Variants in PTPRG observed in about 807,000 individuals in gnomAD.
The protein encoded by PTPRG is receptor-type tyrosine-protein phosphatase gamma.
Under a neutral mutation model 165.3 loss-of-function variants are expected in PTPRG, and 102 were observed. The observed-to-expected ratio is 0.62, with a 90% confidence interval of 0.53 to 0.73. The LOEUF is 0.73. Ranked by LOEUF, PTPRG falls within the 30% of genes least tolerant of loss-of-function variation. PTPRG has a pLI of 0.00. For synonymous variants in PTPRG, 675 were observed against 669.5 expected (o/e 1.01, Z -0.13); for missense variants, 1,866 against 1,861.4 (o/e 1.00, Z -0.05).
chr3:61,952,734 C>T (rs995975565), intron 2 of PTPRG, among the ~76,000 whole-genome samples: 1 of 152,080 alleles, frequency 6.6e-6, no homozygotes, highest in Non-Finnish European at 1.5e-5. Flanking sequence ...TCCATTTGCC[C>T]TAGCCTCAAA....
intron 2 of PTPRG, among the ~76,000 whole-genome samples, chr3:61,915,089 C>A (rs1260499158): frequency 6.6e-6 from 1 of 152,070 alleles, no homozygotes; most frequent in Admixed American, 6.6e-5. Context: ...ATTAGCCGGG[C>A]GTGGTGGTGC....
intron 7 of PTPRG, among the ~76,000 whole-genome samples, chr3:62,158,756 GT>G (rs1316824548): frequency 2.0e-5 from 3 of 152,108 alleles, no homozygotes; most frequent in Non-Finnish European, 4.4e-5. Context: ...CCTCACTGCT[GT>G]TTTGGCAATC....
At chr3:61,974,804 C>T (rs1009756362) in intron 2 of PTPRG, among the ~76,000 whole-genome samples, 1 of 152,296 alleles carries the variant, frequency 6.6e-6, no homozygotes, top group East Asian at 1.9e-4. Context: ...TACTGGTAGT[C>T]TGTTCTCACC....
chr3:61,976,789 C>T (rs931348188), intron 2 of PTPRG, among the ~76,000 whole-genome samples: 5 of 151,838 alleles, frequency 3.3e-5, no homozygotes, highest in Non-Finnish European at 7.4e-5. Flanking sequence ...ATTTTCCTTG[C>T]CTCAGCCTCC....
chr3:62,119,044 C>T (rs72891413), intron 5 of PTPRG, among the ~76,000 whole-genome samples: 2,574 of 152,266 alleles, frequency 0.017, 69 homozygotes, highest in African/African-American at 0.057. Flanking sequence ...GCTGGGAATA[C>T]GAAACAAACT....
At chr3:62,099,839 C>G (rs1029285253) in intron 5 of PTPRG, among the ~76,000 whole-genome samples, 6 of 138,600 alleles carry the variant, frequency 4.3e-5, no homozygotes, top group African/African-American at 1.6e-4. Flanking sequence ...CACTCTGTTG[C>G]CCAGGCTGGA....
chr3:61,793,056 T>C (rs994973164), intron 2 of PTPRG, among the ~76,000 whole-genome samples: 13 of 152,048 alleles, frequency 8.5e-5, no homozygotes, highest in African/African-American at 2.4e-4. Context: ...AAATATAAGA[T>C]AGGAAATATA....
rs1004653019 is a variant in PTPRG, at chr3:62,228,497, G to C, written c.2289-2728G>C. ...CCATTGCACTCCAGCCTGGGCAACA[G>C]AGCAAAACTCCATCTCAAAAAAAAA... On this transcript the variant is annotated intron_variant, in intron 13 of 29. Coordinates refer to ENST00000474889, the MANE Select transcript of PTPRG (RefSeq NM_002841.4). The surrounding 1 kb of genome is among the most constrained non-coding windows in gnomAD (Gnocchi z 4.1). Among the ~76,000 whole-genome samples, 3 of 147,134 alleles carry C rather than the reference G, an allele frequency of 2.0e-5. No homozygotes were observed. The highest frequency in any genetic ancestry group is 7.6e-5 in the African/African-American group (3 of 39,388).
At chr3:61,662,343 T>C (rs1702690005) in intron 1 of PTPRG, among the ~76,000 whole-genome samples, 1 of 152,166 alleles carries the variant, frequency 6.6e-6, no homozygotes, top group African/African-American at 2.4e-5. Flanking sequence ...CAAGCAGCCC[T>C]GTGGAGGGGC....
chr3:62,001,276 T>G (rs895843258), intron 3 of PTPRG, among the ~76,000 whole-genome samples: 4 of 152,196 alleles, frequency 2.6e-5, no homozygotes, highest in Non-Finnish European at 4.4e-5. Context: ...GATTAATGTT[T>G]CAGATTGTAC....
chr3:61,988,326 C>T (rs1158749825), intron 2 of PTPRG, among the ~76,000 whole-genome samples: 1 of 152,094 alleles, frequency 6.6e-6, no homozygotes, highest in Non-Finnish European at 1.5e-5. Context: ...TGTGATTGTC[C>T]CATTTTTCTT....
intron 2 of PTPRG, among the ~76,000 whole-genome samples, chr3:61,935,003 C>T (rs559429751): frequency 4.6e-5 from 7 of 152,248 alleles, no homozygotes; most frequent in African/African-American, 1.7e-4. Context: ...CAACACGTCC[C>T]TTCCACCTTC....
At chr3:62,221,144 C>CT (rs1348681969) in intron 13 of PTPRG, among the ~76,000 whole-genome samples, 4 of 152,184 alleles carry the variant, frequency 2.6e-5, no homozygotes, top group Non-Finnish European at 5.9e-5. Context: ...ACTGTTTATA[C>CT]TTCTGAAAAT....
Position 61,656,268 on chromosome 3 carries a change from C to T in PTPRG, c.86-92610C>T, listed in dbSNP as rs139405911. 8.9e-3 allele frequency among the ~76,000 whole-genome samples: 1,357 copies of T among 152,166 alleles called. 15 individuals are homozygous for T. Among genetic ancestry groups the T allele is most frequent in the African/African-American group, 0.03 (1,262 of 41,512 alleles). On this transcript the variant is annotated intron_variant, in intron 1 of 29. Coordinates refer to ENST00000474889, the MANE Select transcript of PTPRG (RefSeq NM_002841.4). ...AATAAATAAGAAAAACAAGAAAGGG[C>T]TTCTTTCCTTCTGAGTGTGTGAGCA...
chr3:62,055,857 A>T (rs186798681), intron 4 of PTPRG, among the ~76,000 whole-genome samples: 16 of 152,282 alleles, frequency 1.1e-4, no homozygotes, highest in African/African-American at 3.8e-4. Context: ...ATTCATTCTA[A>T]TGGCCTCATC....
intron 16 of PTPRG, among the ~76,000 whole-genome samples, chr3:62,260,049 G>C (rs1378153724): frequency 1.3e-5 from 2 of 152,170 alleles, no homozygotes; most frequent in Admixed American, 6.6e-5. Flanking sequence ...CCCTGAGCAG[G>C]AGAGAGTAGG....
chr3:61,754,557 G>A (rs887225736), intron 2 of PTPRG, among the ~76,000 whole-genome samples: 1 of 152,126 alleles, frequency 6.6e-6, no homozygotes, highest in African/African-American at 2.4e-5. Context: ...GTTTTGTGGA[G>A]ATTTGGTGCA....
At chr3:61,713,327 A>AT (rs556907427) in intron 1 of PTPRG, among the ~76,000 whole-genome samples, 2,536 of 135,490 alleles carry the variant, frequency 0.019, 46 homozygotes, top group African/African-American at 0.042. Context: ...CGCTCAGCTA[A>AT]TTTTTTTTTT....
In PTPRG at chr3:61,575,263, G is replaced by A. The variant is rs908967989; in HGVS notation, c.85+12891G>A. On this transcript the variant is annotated intron_variant, in intron 1 of 29. Coordinates refer to ENST00000474889, the MANE Select transcript of PTPRG (RefSeq NM_002841.4). ...GATTTCTGGGGAGTCTAGGGGAAAT[G>A]TAAGCACTCTGACCACATAAACAAA... Among the ~76,000 whole-genome samples, 5 of 152,158 alleles carry A rather than the reference G, an allele frequency of 3.3e-5. 1 individual carries two copies. The highest frequency in any genetic ancestry group is 3.9e-4 in the East Asian group (2 of 5,186).
Sources: allele counts gnomAD v4.1 joint callset (sites outside exome capture counted in the v4.1 genomes callset), GRCh38; gene constraint gnomAD v4.1.1; non-coding constraint Gnocchi (gnomAD v3.1); transcripts MANE v1.5; gene names NCBI Gene and HGNC (gene_info 2026-07-23, HGNC 2026-07-21).